The following CSNK1G3 variants were observed in gnomAD, a reference collection of about 807,000 sequenced individuals.
CSNK1G3 encodes casein kinase 1 gamma 3.
A neutral mutation model predicts 64.3 loss-of-function variants in CSNK1G3; 23 were observed. The observed-to-expected ratio is 0.36, with a 90% CI of 0.26 to 0.51. The LOEUF (loss-of-function observed/expected upper bound fraction) is 0.51, where lower values mean the gene tolerates loss of function less well. Ranked by LOEUF, CSNK1G3 falls within the 20% of genes least tolerant of loss-of-function variation. The pLI is 0.96. For missense variants in CSNK1G3, 357 were observed against 510.5 expected, an observed-to-expected ratio of 0.70 and a Z score of 2.90; for synonymous variants, 158 against 162.2, an observed-to-expected ratio of 0.97 and a Z score of 0.20.
intron 10 of CSNK1G3, among the ~76,000 whole-genome samples, chr5:123,599,135 A>G (rs976344741): frequency 1.3e-5 from 2 of 152,328 alleles, no homozygotes; most frequent in African/African-American, 2.4e-5. Context: ...GCTCAGTGCA[A>G]ACTGAAAATC....
chr5:123,515,495 G>A (rs1272044805), intron 1 of CSNK1G3, among the ~76,000 whole-genome samples: 1 of 152,130 alleles, frequency 6.6e-6, no homozygotes, highest in African/African-American at 2.4e-5. Context: ...GAATCTGTAC[G>A]TGAGGAAAAT....
At chr5:123,526,080 C>T (rs1282421295) in intron 1 of CSNK1G3, among the ~76,000 whole-genome samples, 1 of 151,968 alleles carries the variant, frequency 6.6e-6, no homozygotes, top group African/African-American at 2.4e-5. Context: ...CTCTGTTGCC[C>T]AGGCTGGGGT....
chr5:123,594,069 G>A (rs1040911287), intron 10 of CSNK1G3, among the ~76,000 whole-genome samples: 1 of 152,100 alleles, frequency 6.6e-6, no homozygotes, highest in Non-Finnish European at 1.5e-5. Context: ...CTGTAACTGT[G>A]GGGAAGTGGT....
chr5:123,546,492 A>C (rs1782539487), intron 2 of CSNK1G3, among the ~76,000 whole-genome samples: 1 of 152,124 alleles, frequency 6.6e-6, no homozygotes, highest in Non-Finnish European at 1.5e-5. Context: ...GTTCACAACA[A>C]TTGAATAACA....
intron 1 of CSNK1G3, among the ~76,000 whole-genome samples, chr5:123,530,473 C>T (rs568961118): frequency 6.6e-5 from 10 of 152,288 alleles, no homozygotes; most frequent in Non-Finnish European, 1.5e-4. Flanking sequence ...CCCAATGATA[C>T]ATGTACATTC....
At chr5:123,577,282 C>T (rs1789358589) in intron 6 of CSNK1G3, among the ~76,000 whole-genome samples, 1 of 151,972 alleles carries the variant, frequency 6.6e-6, no homozygotes, top group South Asian at 2.1e-4. Flanking sequence ...CAAGATTTGG[C>T]CACTGGATAT....
At chr5:123,573,263 A>G in intron 4 of CSNK1G3, 130 bp from the exon 5 acceptor site, 5 of 926,180 alleles carry the variant, frequency 5.4e-6, no homozygotes, top group Non-Finnish European at 8.3e-6. Context: ...CAGGAAAAGT[A>G]TGTATCTGGA....
intron 7 of CSNK1G3, 81 bp downstream of exon 7, chr5:123,588,234 A>G: frequency 8.3e-7 from 1 of 1,206,426 alleles, no homozygotes; most frequent in Non-Finnish European, 1.2e-6. Flanking sequence ...AACAGTTTTC[A>G]TATTTTAAAA....
chr5:123,515,363 T>C (rs1776961840), intron 1 of CSNK1G3, among the ~76,000 whole-genome samples: 1 of 152,220 alleles, frequency 6.6e-6, no homozygotes, highest in Non-Finnish European at 1.5e-5. Context: ...AAGTATTGAA[T>C]AACAAAATAT....
rs1010469854 is a variant in CSNK1G3 at position 123,579,973 on chromosome 5, G to A, written c.673+4010G>A. On this transcript the variant is annotated intron_variant, in intron 6 of 12. Coordinates refer to ENST00000345990, the Ensembl canonical transcript of CSNK1G3. ...AGAGTAAGGTAATATGAGTTTGGATGCTGAGGAATTAAAGCATTTGGCAAA... is the reference window on the plus strand; with the variant it reads ...AGAGTAAGGTAATATGAGTTTGGATACTGAGGAATTAAAGCATTTGGCAAA... 6.6e-5 allele frequency among the ~76,000 whole-genome samples: 10 copies of A among 152,126 alleles called. No individual in the cohort carries two copies. In the East Asian group the frequency reaches 1.5e-3, roughly 23 times the overall value.
chr5:123,582,441 T>G (rs922920672), intron 6 of CSNK1G3, among the ~76,000 whole-genome samples: 5 of 152,128 alleles, frequency 3.3e-5, no homozygotes, highest in African/African-American at 1.2e-4. Flanking sequence ...TAGCTGTAAT[T>G]TTGAAAGATA....
rs116113132 is a variant in CSNK1G3, at chr5:123,572,952, T to C, written c.290-441T>C. 9.4e-3 allele frequency among the ~76,000 whole-genome samples: 1,436 copies of C among 152,278 alleles called. 28 individuals carry two copies. Among genetic ancestry groups the C allele is most frequent in the African/African-American group, 0.033 (1,354 of 41,540 alleles). ...AAGGGAGGGGTTTATACAAGGTGTA[T>C]AAGCCAGAGGATGGGAATCTTGACA... On this transcript the variant is annotated intron_variant, in intron 4 of 12. Transcript: ENST00000345990.
chr5:123,570,467 C>T (rs952672454), intron 4 of CSNK1G3, among the ~76,000 whole-genome samples: 3 of 151,646 alleles, frequency 2.0e-5, no homozygotes, highest in African/African-American at 4.8e-5. Context: ...AGTTCTCCTG[C>T]CTCAGCCTCC....
intron 1 of CSNK1G3, among the ~76,000 whole-genome samples, chr5:123,516,733 T>C (rs887140655): frequency 6.6e-6 from 1 of 152,332 alleles, no homozygotes; most frequent in South Asian, 2.1e-4. Context: ...TATGTCCACA[T>C]GGCTAAATCA....
At chr5:123,529,926 C>T (rs1201890954) in intron 1 of CSNK1G3, among the ~76,000 whole-genome samples, 1 of 151,862 alleles carries the variant, frequency 6.6e-6, no homozygotes, top group Admixed American at 6.6e-5. Context: ...TGCATGAGCT[C>T]AGAAGTTTGA....
exon 13 of CSNK1G3, chr5:123,615,394 C>G (rs1210696101): frequency 6.6e-6 from 1 of 152,408 alleles, no homozygotes; most frequent in Non-Finnish European, 1.5e-5. Flanking sequence ...AATTATTTTG[C>G]TCTTTGATTA....
At chr5:123,536,174 G>A (rs966307838) in intron 1 of CSNK1G3, among the ~76,000 whole-genome samples, 1 of 152,014 alleles carries the variant, frequency 6.6e-6, no homozygotes, top group African/African-American at 2.4e-5. Context: ...AGCATTAAAA[G>A]CTTTGGAGCA....
chr5:123,584,251 T>TCTTAGGATCAAGACA (rs753824417), intron 6 of CSNK1G3, among the ~76,000 whole-genome samples: 21 of 152,190 alleles, frequency 1.4e-4, no homozygotes, highest in Non-Finnish European at 2.4e-4. Context: ...TCGTTCTTGA[T>TCTTAGGATCAAGACA]CTTAGGAGTG....
At chr5:123,580,548 C>T (rs981125388) in intron 6 of CSNK1G3, among the ~76,000 whole-genome samples, 1 of 151,846 alleles carries the variant, frequency 6.6e-6, no homozygotes, top group East Asian at 1.9e-4. Context: ...CTTGATAAAG[C>T]TTTATGTTAC....
Sources: allele counts gnomAD v4.1 joint callset (sites outside exome capture counted in the v4.1 genomes callset), GRCh38; gene constraint gnomAD v4.1.1; transcripts MANE v1.5; gene names NCBI Gene and HGNC (gene_info 2026-07-23, HGNC 2026-07-21).